ITPR1: variants seen among roughly 807,000 people sequenced by gnomAD.
ITPR1 encodes inositol 1,4,5-trisphosphate receptor type 1.
A neutral mutation model predicts 318.4 loss-of-function variants in ITPR1; 96 were observed. That is an observed-to-expected ratio of 0.30 (90% CI 0.26 to 0.36). ITPR1 has a LOEUF of 0.36. Ranked by LOEUF, ITPR1 falls within the 10% of genes least tolerant of loss-of-function variation. The probability of loss-of-function intolerance (pLI) is 1.00; values close to 1 mark genes in which losing one functional copy is unlikely to be tolerated. For synonymous variants in ITPR1, 1,312 were observed against 1,289.9 expected, an observed-to-expected ratio of 1.02 and a Z score of -0.37; for missense variants, 2,440 against 3,460.2, an observed-to-expected ratio of 0.71 and a Z score of 7.40.
At chr3:4,730,530 A>G (rs2042855264) in intron 42 of ITPR1, among the ~76,000 whole-genome samples, 1 of 151,968 alleles carries the variant, frequency 6.6e-6, no homozygotes, top group African/African-American at 2.4e-5. Context: ...AAGGAGAGAC[A>G]AAATGGTAAT....
At chr3:4,830,854 C>G (rs1411866358) in intron 60 of ITPR1, 2 of 445,364 alleles carry the variant, frequency 4.5e-6, no homozygotes, top group African/African-American at 4.1e-5. Context: ...TGCCCTCAAG[C>G]CCCCCTCACC....
intron 4 of ITPR1, among the ~76,000 whole-genome samples, chr3:4,582,520 A>C (rs1483565303): frequency 2.6e-5 from 4 of 152,104 alleles, no homozygotes; most frequent in Admixed American, 2.6e-4. Context: ...GTGCTTCTCT[A>C]TTCTGCTGAG....
chr3:4,596,919 A>T (rs1051005199), intron 4 of ITPR1, among the ~76,000 whole-genome samples: 2 of 152,214 alleles, frequency 1.3e-5, no homozygotes, highest in African/African-American at 4.8e-5. Context: ...TTAGAGGCTG[A>T]TAGTTTTAGT....
chr3:4,713,152 A>G (rs750780454), intron 39 of ITPR1, among the ~76,000 whole-genome samples: 3 of 152,174 alleles, frequency 2.0e-5, no homozygotes, highest in Non-Finnish European at 4.4e-5. Context: ...AATATTAACC[A>G]TTTATTTCAC....
chr3:4,755,480 C>A (rs1385117575), intron 44 of ITPR1, among the ~76,000 whole-genome samples: 1 of 151,652 alleles, frequency 6.6e-6, no homozygotes, highest in Admixed American at 6.6e-5. Context: ...CTCAAGCAGT[C>A]CTTCCACCTT....
At chr3:4,530,570 G>A (rs2124949465) in intron 4 of ITPR1, among the ~76,000 whole-genome samples, 1 of 152,306 alleles carries the variant, frequency 6.6e-6, no homozygotes, top group South Asian at 2.1e-4. Context: ...GATGGCTTGA[G>A]CCTAGGAGTT....
At chr3:4,651,091 C>T (rs371794115) in intron 10 of ITPR1, among the ~76,000 whole-genome samples, 9 of 152,162 alleles carry the variant, frequency 5.9e-5, no homozygotes, top group African/African-American at 1.4e-4. Context: ...TGTCTACTAA[C>T]GCACAGGGTG....
intron 49 of ITPR1, 32 bp from the exon 50 acceptor site, chr3:4,782,587 C>G (rs1384379853): frequency 1.3e-6 from 2 of 1,582,546 alleles, no homozygotes; most frequent in Admixed American, 1.8e-5. Context: ...TTCCTTGAAA[C>G]AGGATTTTTG....
At chr3:4,746,962 G>T (rs539603841) in intron 44 of ITPR1, among the ~76,000 whole-genome samples, 30 of 152,326 alleles carry the variant, frequency 2.0e-4, no homozygotes, top group Admixed American at 7.8e-4. Flanking sequence ...CTGACCCAGT[G>T]TGGCCACCGT....
chr3:4,688,086 G>A (rs559704607), intron 30 of ITPR1, among the ~76,000 whole-genome samples: 11 of 152,056 alleles, frequency 7.2e-5, no homozygotes, highest in African/African-American at 2.4e-4. Flanking sequence ...GTTAGAGATG[G>A]GTGTCTCACT....
chr3:4,731,405 T>C (rs2042917704), intron 42 of ITPR1, among the ~76,000 whole-genome samples: 1 of 152,188 alleles, frequency 6.6e-6, no homozygotes, highest in Admixed American at 6.5e-5. Context: ...AACTTACCCA[T>C]TTGAAGCACT....
At chr3:4,724,620 T>A (rs2042381268) in intron 40 of ITPR1, 1 of 152,156 alleles carries the variant, frequency 6.6e-6, no homozygotes. Context: ...CCAGGTGGGG[T>A]CTGGCAGTTC....
chr3:4,589,239 G>T (rs899358190), intron 4 of ITPR1, among the ~76,000 whole-genome samples: 2 of 152,048 alleles, frequency 1.3e-5, no homozygotes, highest in Non-Finnish European at 2.9e-5. Flanking sequence ...TAAGCAAAAG[G>T]TTCACAAAGC....
At chr3:4,661,142 G>C (rs530392157) in intron 14 of ITPR1, 55 bp downstream of exon 14, 2 of 1,014,622 alleles carry the variant, frequency 2.0e-6, no homozygotes, top group Admixed American at 1.8e-5. Flanking sequence ...TAATGAAAGG[G>C]CTCCTTTGAG....
In ITPR1 at chr3:4,704,844, C is replaced by A. The variant is rs146382047; in HGVS notation, c.4658-1323C>A. 5.5e-4 allele frequency among the ~76,000 whole-genome samples: 84 copies of A among 152,114 alleles called. 1 individual carries two copies. Among genetic ancestry groups the A allele is most frequent in the African/African-American group, 1.8e-3 (76 of 41,484 alleles). On this transcript the variant is annotated intron_variant, in intron 36 of 61. Coordinates refer to ENST00000649015, the MANE Select transcript of ITPR1 (RefSeq NM_001378452.1). ...CTCATGACTAATACCACACCCAGAACCCACTGTGTTAGTTGTTTAGCTTAT... is the reference window on the plus strand; with the variant it reads ...CTCATGACTAATACCACACCCAGAAACCACTGTGTTAGTTGTTTAGCTTAT...
At chr3:4,791,512 G>A (rs1048442597) in intron 52 of ITPR1, among the ~76,000 whole-genome samples, 2 of 152,176 alleles carry the variant, frequency 1.3e-5, no homozygotes, top group African/African-American at 2.4e-5. Flanking sequence ...CAGAGCTTAG[G>A]TGGTAATGCT....
chr3:4,726,983 A>G (rs2042563958), intron 41 of ITPR1, 143 bp from the exon 42 acceptor site: 1 of 668,998 alleles, frequency 1.5e-6, no homozygotes, highest in East Asian at 2.9e-5. Context: ...ATACGGGGGA[A>G]AAACAAAAAT....
chr3:4,841,930 T>G (rs2051375315), intron 61 of ITPR1, among the ~76,000 whole-genome samples: 1 of 152,232 alleles, frequency 6.6e-6, no homozygotes, highest in Admixed American at 6.5e-5. Flanking sequence ...ATGACTGATT[T>G]TATAGGGCTG....
At chr3:4,565,478 A>G (rs1441105126) in intron 4 of ITPR1, among the ~76,000 whole-genome samples, 5 of 152,226 alleles carry the variant, frequency 3.3e-5, no homozygotes, top group African/African-American at 1.2e-4. Flanking sequence ...TTAATTAGTT[A>G]ATACTTGTGA....
Sources: gnomAD v4.1 joint callset for allele counts (sites outside exome capture counted in the v4.1 genomes callset) on GRCh38, gnomAD v4.1.1 for gene constraint, MANE v1.5 for transcripts, NCBI Gene and HGNC (gene_info 2026-07-23, HGNC 2026-07-21) for gene names.